The following PCDHA8 variants were observed in gnomAD, a reference collection of about 807,000 sequenced individuals.
PCDHA8 encodes the protein protocadherin alpha 8, also known as protocadherin alpha-8.
Under a neutral mutation model 61.8 loss-of-function variants are expected in PCDHA8, and 53 were observed. That is an observed-to-expected ratio of 0.86 (90% CI 0.69 to 1.08). The LOEUF is 1.08. Ranked by LOEUF, PCDHA8 falls within the 50% of genes least tolerant of loss-of-function variation. The pLI, the probability that PCDHA8 is intolerant of heterozygous loss-of-function variation, is 0.00. For missense variants in PCDHA8, 1,293 were observed against 1,245.0 expected (o/e 1.04, Z -0.58); for synonymous variants, 618 against 556.6 (o/e 1.11, Z -1.55).
chr5:140,853,712 G>A (rs2042842322), intron 1 of PCDHA8: 2 of 988,190 alleles, frequency 2.0e-6, no homozygotes, highest in Non-Finnish European at 2.4e-6. Flanking sequence ...ATTAGCATTA[G>A]CAGCACCTAA....
intron 1 of PCDHA8, chr5:140,928,699 G>C (rs782291734): frequency 1.2e-6 from 2 of 1,614,170 alleles, no homozygotes; most frequent in East Asian, 2.2e-5. Flanking sequence ...CATCTCCCGG[G>C]CGTCTGACTC....
At chr5:140,881,993 A>C in intron 1 of PCDHA8, 1 of 454,088 alleles carries the variant, frequency 2.2e-6, no homozygotes, top group Non-Finnish European at 3.7e-6. Flanking sequence ...AATGTCAGGA[A>C]ATGCAAGGGG....
chr5:140,989,132 C>T (rs943262599), intron 3 of PCDHA8: 2 of 152,216 alleles, frequency 1.3e-5, no homozygotes, highest in Admixed American at 1.3e-4. Context: ...AAATAAGACA[C>T]TTTATCCCTT....
At chr5:140,973,107 G>A (rs2096572271) in intron 1 of PCDHA8, among the ~76,000 whole-genome samples, 1 of 152,192 alleles carries the variant, frequency 6.6e-6, no homozygotes, top group South Asian at 2.1e-4. Flanking sequence ...TTATGAAAGA[G>A]TAGCAGAGAT....
intron 1 of PCDHA8, among the ~76,000 whole-genome samples, chr5:140,896,002 G>A (rs1485647299): frequency 1.3e-5 from 2 of 152,082 alleles, no homozygotes; most frequent in Non-Finnish European, 2.9e-5. Flanking sequence ...GTAGAGACAG[G>A]GTTTCTCCAT....
chr5:140,907,412 A>G (rs889699438), intron 1 of PCDHA8, among the ~76,000 whole-genome samples: 5 of 152,232 alleles, frequency 3.3e-5, no homozygotes, highest in Non-Finnish European at 7.3e-5. Flanking sequence ...GAATACCACG[A>G]TGGTGGATAA....
chr5:141,011,182 G>T lies in PCDHA8; in HGVS notation c.*1245G>T, dbSNP rs887034679. On this transcript the variant is annotated 3_prime_UTR_variant, in exon 4 of 4. Coordinates refer to ENST00000531613, the MANE Select transcript of PCDHA8 (RefSeq NM_018911.3). ...TATATATCAAGACCCAAAAATTGAA[G>T]AAAAATATTGTTTTCTCATACAGTG... 1.3e-5 allele frequency: 2 copies of T among 153,494 alleles called. No individual in the cohort carries two copies. Among genetic ancestry groups the T allele is most frequent in the Admixed American group, 6.6e-5 (1 of 15,254 alleles). The allele number at this position is 153,494 out of a possible 1,614,324, so 9.5% of individuals were successfully genotyped here.
intron 1 of PCDHA8, among the ~76,000 whole-genome samples, chr5:140,945,540 CA>C (rs1330025999): frequency 1.3e-5 from 2 of 151,706 alleles, no homozygotes; most frequent in African/African-American, 2.4e-5. Flanking sequence ...AACATACAAA[CA>C]AAAAAATGAA....
At chr5:141,006,305 G>A (rs548520638) in intron 3 of PCDHA8, among the ~76,000 whole-genome samples, 25 of 151,934 alleles carry the variant, frequency 1.6e-4, no homozygotes, top group Admixed American at 5.2e-4. Context: ...TCCACTTCCC[G>A]GGTTCATGCC....
Position 141,010,424 on chromosome 5 carries a change from C to A in PCDHA8, c.*487C>A. ...CTTAGACTAATTGGTACAAGGAAGGCAAGAAAACAAAGACAAATAAACAGC... is the reference window on the plus strand; with the variant it reads ...CTTAGACTAATTGGTACAAGGAAGGAAAGAAAACAAAGACAAATAAACAGC... On this transcript the variant is annotated 3_prime_UTR_variant, in exon 4 of 4. Transcript: ENST00000531613. The A allele has an allele frequency of 9.0e-7, 1 of 1,113,698 alleles. No homozygotes were observed. The highest frequency in any genetic ancestry group is 1.2e-6 in the Non-Finnish European group (1 of 808,116). 69.0% of individuals were successfully genotyped at this position (1,113,698 alleles called of 1,614,324 possible). A position where few individuals can be genotyped will look rare whatever the true frequency, so the allele number is the denominator to read the frequency against.
At chr5:140,997,420 G>A (rs1300822693) in intron 3 of PCDHA8, among the ~76,000 whole-genome samples, 4 of 152,042 alleles carry the variant, frequency 2.6e-5, no homozygotes, top group African/African-American at 9.7e-5. Flanking sequence ...TTTCTCCTAG[G>A]CTACAAACCT....
intron 1 of PCDHA8, chr5:140,871,249 C>A (rs782675743): frequency 8.1e-6 from 13 of 1,613,984 alleles, no homozygotes; most frequent in South Asian, 1.1e-5. Flanking sequence ...CACGCTGCTG[C>A]TGTATACGGC....
At chr5:140,911,663 T>G (rs2075591717) in intron 1 of PCDHA8, among the ~76,000 whole-genome samples, 1 of 152,206 alleles carries the variant, frequency 6.6e-6, no homozygotes, top group Non-Finnish European at 1.5e-5. Context: ...CTAAACTCCT[T>G]GCCTCTCACG....
intron 1 of PCDHA8, chr5:140,858,758 A>G (rs1474709962): frequency 4.4e-6 from 2 of 458,304 alleles, no homozygotes; most frequent in Non-Finnish European, 7.8e-6. Flanking sequence ...TTCGTTACAA[A>G]TATTTGTGAG....
chr5:141,010,089 G>T lies in PCDHA8; in HGVS notation c.*152G>T. On this transcript the variant is annotated 3_prime_UTR_variant, in exon 4 of 4. Coordinates refer to ENST00000531613, the MANE Select transcript of PCDHA8 (RefSeq NM_018911.3). The stretch of plus-strand genomic sequence containing the variant: ...AAAGTTCCCTGTGTCTGTCTAGAAC[G>T]CATTTAACAGGTTTTGTCGTAAAAG... 2 of 1,612,296 alleles carry T rather than the reference G, an allele frequency of 1.2e-6. No individual in the cohort carries two copies. Among genetic ancestry groups the T allele is most frequent in the East Asian group, 2.2e-5 (1 of 44,872 alleles).
At chr5:140,932,707 A>G (rs147056775) in intron 1 of PCDHA8, among the ~76,000 whole-genome samples, 1 of 152,086 alleles carries the variant, frequency 6.6e-6, no homozygotes, top group African/African-American at 2.4e-5. Flanking sequence ...CATATAGACA[A>G]CACAATAATA....
Position 140,914,249 on chromosome 5 carries a change from G to T in PCDHA8, c.2395-64700G>T, listed in dbSNP as rs186578589. 2.8e-3 allele frequency among the ~76,000 whole-genome samples: 422 copies of T among 152,092 alleles called. 2 individuals carry two copies. Among genetic ancestry groups the T allele is most frequent in the Middle Eastern group, 0.014 (4 of 294 alleles). ...AATACTATTTGCTTTTTATATCTGG[G>T]TGCTTCAATGGTGGGTGCATATATA... is the stretch of plus-strand genomic sequence containing the variant. On this transcript the variant is annotated intron_variant, in intron 1 of 3. Coordinates refer to ENST00000531613, the MANE Select transcript of PCDHA8 (RefSeq NM_018911.3).
At position 140,843,268 on chromosome 5, in the gene PCDHA8, C is replaced by T. The variant is rs1778736907; in HGVS notation, c.1947C>T (p.Val649=). 2 of 1,595,984 alleles carry T rather than the reference C, an allele frequency of 1.3e-6. No homozygotes were observed. Among genetic ancestry groups the T allele is most frequent in the East Asian group, 2.2e-5 (1 of 44,846 alleles). Reference sequence around the variant, plus strand: ...ACTCTCCGCGCCACCGTCTGCTGGTCCTGGTGAAGGATCATGGTGAACCTG... The same window carrying T: ...ACTCTCCGCGCCACCGTCTGCTGGTTCTGGTGAAGGATCATGGTGAACCTG... The part of the protein sequence containing the change: ...EADSPRHRLL[V]LVKDHGEPAL... The change falls in exon 1 of 4, where the codon GTC becomes GTT. Residue 649 remains valine, a synonymous_variant. Transcript: ENST00000531613.
chr5:140,918,456 T>A (rs782254836), intron 1 of PCDHA8, among the ~76,000 whole-genome samples: 9 of 152,316 alleles, frequency 5.9e-5, no homozygotes, highest in South Asian at 4.1e-4. Flanking sequence ...GTGGGCATCC[T>A]TGTCTTATTC....
Sources: gnomAD v4.1 joint callset for allele counts (sites outside exome capture counted in the v4.1 genomes callset) on GRCh38, gnomAD v4.1.1 for gene constraint, MANE v1.5 for transcripts, NCBI Gene and HGNC (gene_info 2026-07-23, HGNC 2026-07-21) for gene names.